Variants in AUTS2 observed in about 807,000 individuals in gnomAD.
The protein encoded by AUTS2 is autism susceptibility gene 2 protein.
AUTS2 carries 17 observed loss-of-function variants against 112.4 expected under a neutral mutation model. That is an observed-to-expected ratio of 0.15 (90% CI 0.10 to 0.23). AUTS2 has a LOEUF of 0.23. AUTS2 is among the 10% of genes least tolerant of loss of function. The pLI is 1.00. For synonymous variants in AUTS2, 751 were observed against 702.7 expected, an observed-to-expected ratio of 1.07 and a Z score of -1.09; for missense variants, 1,510 against 1,701.6, an observed-to-expected ratio of 0.89 and a Z score of 1.98.
chr7:69,829,481 G>A (rs1791401639), intron 1 of AUTS2, among the ~76,000 whole-genome samples: 1 of 151,878 alleles, frequency 6.6e-6, no homozygotes, highest in Admixed American at 6.6e-5. Flanking sequence ...AGAAATTTTT[G>A]CAATCCATCT....
chr7:70,227,458 A>G (rs1035680945), intron 4 of AUTS2, among the ~76,000 whole-genome samples: 2 of 152,138 alleles, frequency 1.3e-5, no homozygotes, highest in Admixed American at 6.5e-5. Context: ...AACCATCACC[A>G]CAATATGATA....
intron 5 of AUTS2, among the ~76,000 whole-genome samples, chr7:70,537,396 G>A (rs1477045728): frequency 6.6e-6 from 1 of 152,212 alleles, no homozygotes; most frequent in Admixed American, 6.5e-5. Flanking sequence ...ATTATGACAG[G>A]TTGTGTTTTT....
At chr7:70,281,832 CTA>C (rs1788229250) in intron 4 of AUTS2, among the ~76,000 whole-genome samples, 1 of 152,208 alleles carries the variant, frequency 6.6e-6, no homozygotes, top group South Asian at 2.1e-4. Flanking sequence ...AGGGTAAAGA[CTA>C]TGTAATTTCA....
chr7:69,696,330 T>C (rs910037850), intron 1 of AUTS2, among the ~76,000 whole-genome samples: 8 of 152,300 alleles, frequency 5.3e-5, no homozygotes, highest in African/African-American at 1.9e-4. Context: ...ACGTCAGCCT[T>C]CTCTAATGCT....
chr7:70,256,130 C>G (rs1200730483), intron 4 of AUTS2, among the ~76,000 whole-genome samples: 1 of 152,092 alleles, frequency 6.6e-6, no homozygotes, highest in Non-Finnish European at 1.5e-5. Context: ...TAATGAGCTG[C>G]GAGTAATCTA....
chr7:70,700,884 C>G (rs1809420270), intron 6 of AUTS2, among the ~76,000 whole-genome samples: 1 of 152,214 alleles, frequency 6.6e-6, no homozygotes, highest in Admixed American at 6.5e-5. Context: ...AGGCGGCCTG[C>G]CTGCCTGAAA....
chr7:69,894,345 G>GTT (rs34811635), intron 1 of AUTS2, among the ~76,000 whole-genome samples: 5 of 142,604 alleles, frequency 3.5e-5, no homozygotes, highest in South Asian at 2.3e-4. Flanking sequence ...AAGGGAGGCA[G>GTT]TTTTTTTTAT....
At chr7:70,519,165 G>T (rs1347642494) in intron 5 of AUTS2, among the ~76,000 whole-genome samples, 1 of 152,078 alleles carries the variant, frequency 6.6e-6, no homozygotes, top group Non-Finnish European at 1.5e-5. Flanking sequence ...AACCTCCAGG[G>T]TCAAATAGAA....
chr7:70,106,262 C>T (rs928356556), intron 2 of AUTS2, among the ~76,000 whole-genome samples: 2 of 152,212 alleles, frequency 1.3e-5, no homozygotes, highest in African/African-American at 4.8e-5. Flanking sequence ...GAATAAGTGA[C>T]ACAGGACAAT....
chr7:69,608,641 T>A (rs985434518), intron 1 of AUTS2, among the ~76,000 whole-genome samples: 1 of 152,240 alleles, frequency 6.6e-6, no homozygotes, highest in Non-Finnish European at 1.5e-5. Context: ...GATAGCACAA[T>A]AATTGAACAT....
chr7:69,990,714 A>G (rs951422450), intron 2 of AUTS2, among the ~76,000 whole-genome samples: 3 of 152,200 alleles, frequency 2.0e-5, no homozygotes, highest in Non-Finnish European at 2.9e-5. Context: ...TCATATTTAT[A>G]TAGGTTGGGT....
intron 1 of AUTS2, among the ~76,000 whole-genome samples, chr7:69,898,535 G>A (rs1562957284): frequency 2.0e-5 from 3 of 152,138 alleles, no homozygotes; most frequent in Admixed American, 6.5e-5. Context: ...GTACTGAGCT[G>A]CCTGGAGGCA....
chr7:70,400,825 A>G (rs1039342982), intron 4 of AUTS2, among the ~76,000 whole-genome samples: 2 of 152,098 alleles, frequency 1.3e-5, no homozygotes, highest in Non-Finnish European at 2.9e-5. Flanking sequence ...GACTTACTCA[A>G]TCCTAATCTA....
intron 2 of AUTS2, among the ~76,000 whole-genome samples, chr7:70,112,229 A>G (rs17463361): frequency 0.05 from 7,623 of 151,832 alleles, 266 homozygotes; most frequent in Non-Finnish European, 0.077. Context: ...TCTTTTACCC[A>G]GTTGTTAATT....
rs149462434 is a variant in AUTS2 at position 70,040,258 on chromosome 7, A to T, written c.523-77874A>T. ...GACTCATCCATTGTAACTATGTACC[A>T]GTCCTGTGGGGAATGCTGATAGGGA... On this transcript the variant is annotated intron_variant, in intron 2 of 18. Coordinates refer to ENST00000342771, the MANE Select transcript of AUTS2 (RefSeq NM_015570.4). Among the ~76,000 whole-genome samples the T allele has an allele frequency of 2.6e-5, 4 of 152,322 alleles. No homozygotes were observed. The East Asian group carries it at 7.7e-4, about 29-fold the overall frequency.
intron 1 of AUTS2, among the ~76,000 whole-genome samples, chr7:69,860,720 C>T (rs1792941188): frequency 6.6e-6 from 1 of 152,092 alleles, no homozygotes. Flanking sequence ...TTAAAGTAAG[C>T]TCTCTAATTA....
intron 1 of AUTS2, among the ~76,000 whole-genome samples, chr7:69,874,889 G>A (rs1032232339): frequency 2.0e-5 from 3 of 151,366 alleles, no homozygotes; most frequent in Non-Finnish European, 2.9e-5. Context: ...CAGGCTGGTC[G>A]CGAACTCTTG....
rs1284780028 is a variant in AUTS2, at chr7:69,599,837, C to CCCCCGTCCTCCG, written c.193_204dup (p.Ser65_Ser68dup). On this transcript the variant is annotated inframe_insertion, in exon 1 of 19. Transcript: ENST00000342771. The surrounding 1 kb of genome is among the most constrained non-coding windows in gnomAD (Gnocchi z 7.0). ...CTCCGACAAGGAAGACAATGGGAAG[C>CCCCCGTCCTCCG]CCCCGTCCTCCGCCCCGTCCCGGCC... 6.2e-7 allele frequency: 1 copy of CCCCCGTCCTCCG among 1,611,522 alleles called. No individual in the cohort carries two copies. The highest frequency in any genetic ancestry group is 1.7e-5 in the Admixed American group (1 of 59,924).
intron 6 of AUTS2, among the ~76,000 whole-genome samples, chr7:70,747,393 G>T (rs1315203950): frequency 6.6e-6 from 1 of 152,188 alleles, no homozygotes; most frequent in African/African-American, 2.4e-5. Flanking sequence ...ACTTCCCACT[G>T]TCTCTTTCTA....
Sources: allele counts gnomAD v4.1 joint callset (sites outside exome capture counted in the v4.1 genomes callset), GRCh38; gene constraint gnomAD v4.1.1; non-coding constraint Gnocchi (gnomAD v3.1); transcripts MANE v1.5; gene names NCBI Gene and HGNC (gene_info 2026-07-23, HGNC 2026-07-21).